The following PLA2G6 variants were observed in gnomAD, a reference collection of about 807,000 sequenced individuals.
The protein encoded by PLA2G6 is phospholipase A2 group VI.
PLA2G6 carries 62 observed loss-of-function variants against 83.8 expected under a neutral mutation model. That is an observed-to-expected ratio of 0.74 (90% CI 0.60 to 0.91). The LOEUF (loss-of-function observed/expected upper bound fraction) is 0.91. Among genes scored for constraint, PLA2G6 ranks in the 40% least tolerant of loss-of-function variants. PLA2G6 has a pLI of 0.00. For synonymous variants in PLA2G6, 417 were observed against 449.8 expected (o/e 0.93, Z 0.92); for missense variants, 944 against 1,102.0 (o/e 0.86, Z 2.03).
At chr22:38,118,386 A>C (rs891086342) in intron 12 of PLA2G6, among the ~76,000 whole-genome samples, 16 of 152,232 alleles carry the variant, frequency 1.1e-4, no homozygotes, top group Non-Finnish European at 1.3e-4. Context: ...TAAGCTAACT[A>C]GGTTCACTTG....
At chr22:38,172,614 C>T (rs1348750886) in intron 1 of PLA2G6, among the ~76,000 whole-genome samples, 1 of 152,214 alleles carries the variant, frequency 6.6e-6, no homozygotes, top group Admixed American at 6.5e-5. Flanking sequence ...GGGGCTGCAG[C>T]CGGGAAGATG....
In PLA2G6 at chr22:38,128,414, C is replaced by A. The variant is rs757483818; in HGVS notation, c.1203G>T (p.Ala401=). The change falls in exon 9 of 17, where the codon GCG becomes GCT. Residue 401 remains alanine, a synonymous_variant. Transcript: ENST00000332509. This position sits in a 1 kb window ranked among gnomAD's most constrained non-coding sequence, Gnocchi z 4.4. ...SKIGRLVTRK[A]ILTLLRTVGA... ...CCACGGTTCTCAGCAGAGTCAAGATCGCCTTCCTGGTGACAACTTGTCATG... is the reference window on the plus strand; with the variant it reads ...CCACGGTTCTCAGCAGAGTCAAGATAGCCTTCCTGGTGACAACTTGTCATG... 6.2e-7 allele frequency: 1 copy of A among 1,614,044 alleles called. No individual in the cohort carries two copies. The highest frequency in any genetic ancestry group is 1.7e-5 in the Admixed American group (1 of 60,018).
intron 3 of PLA2G6, chr22:38,143,583 A>G (rs1018059186): frequency 3.1e-5 from 16 of 520,142 alleles, no homozygotes; most frequent in Non-Finnish European, 4.9e-5. Flanking sequence ...GAACACGGAT[A>G]TCTCACTAGC....
chr22:38,147,473 G>C (rs1355021356), intron 2 of PLA2G6: 2 of 168,180 alleles, frequency 1.2e-5, no homozygotes, highest in Non-Finnish European at 2.9e-5. Flanking sequence ...CTGGGCATGT[G>C]ATCTGTGCCA....
intron 2 of PLA2G6, chr22:38,150,047 C>A (rs867567989): frequency 7.3e-6 from 1 of 136,562 alleles, no homozygotes. Context: ...CCTGACCCCA[C>A]CACCAAAAAA....
chr22:38,120,270 A>C (rs917594829), intron 12 of PLA2G6, among the ~76,000 whole-genome samples: 1 of 152,256 alleles, frequency 6.6e-6, no homozygotes, highest in African/African-American at 2.4e-5. Flanking sequence ...GTAAGACTGA[A>C]GCCCTCTGAT....
chr22:38,121,671 C>G (rs529035476), intron 11 of PLA2G6, among the ~76,000 whole-genome samples: 80 of 152,346 alleles, frequency 5.3e-4, no homozygotes, highest in African/African-American at 1.8e-3. Context: ...ACCGGAGGAT[C>G]AGCCAGGAGA....
intron 1 of PLA2G6, among the ~76,000 whole-genome samples, chr22:38,178,873 A>C (rs2090737587): frequency 6.6e-6 from 1 of 151,134 alleles, no homozygotes; most frequent in South Asian, 2.1e-4. Flanking sequence ...CTCAAAACCA[A>C]AACAACCAAC....
intron 1 of PLA2G6, among the ~76,000 whole-genome samples, chr22:38,171,088 C>T (rs113792937): frequency 2.7e-5 from 4 of 150,718 alleles, no homozygotes; most frequent in African/African-American, 7.3e-5. Flanking sequence ...AGAAGAATCG[C>T]TTGAACCTGG....
intron 2 of PLA2G6, among the ~76,000 whole-genome samples, chr22:38,167,227 C>CAAA (rs132983): frequency 0.11 from 11,715 of 107,098 alleles, 696 homozygotes; most frequent in African/African-American, 0.15. Flanking sequence ...GACTCTGTCT[C>CAAA]AAAAAAAAAA....
chr22:38,129,251 G>A (rs2088058378), intron 8 of PLA2G6, among the ~76,000 whole-genome samples: 1 of 152,238 alleles, frequency 6.6e-6, no homozygotes, highest in Non-Finnish European at 1.5e-5. Flanking sequence ...AGCAAGCCCC[G>A]TGGTGGGCCT....
chr22:38,180,863 ACAAAAACAATGCATT>A (rs11570599), intron 1 of PLA2G6, among the ~76,000 whole-genome samples: 3,329 of 152,252 alleles, frequency 0.022, 112 homozygotes, highest in African/African-American at 0.071. Context: ...AGAAACTCTA[ACAAAAACAATGCATT>A]CAAAAACAAT....
intron 1 of PLA2G6, among the ~76,000 whole-genome samples, chr22:38,171,125 T>C (rs539805104): frequency 1.4e-5 from 2 of 144,500 alleles, no homozygotes; most frequent in African/African-American, 5.1e-5. Flanking sequence ...TGAGCTGAGA[T>C]GGCGCCATTG....
chr22:38,145,447 C>A lies in PLA2G6; in HGVS notation c.416G>T (p.Arg139Leu). ...TTGTTCCCTTGCTCACCTGATGATA[C>A]GGCTGTGATGGAAGCACTCGCGGAT... ...LGIRECFHHS[R>L]IISCANCAEN... is the part of the protein sequence containing the mutation. Residue 139 changes from arginine (R) to leucine (L), a missense_variant, in exon 3 of 17, where the codon CGT (arginine) becomes CTT (leucine). Coordinates refer to ENST00000332509, the MANE Select transcript of PLA2G6 (RefSeq NM_003560.4). 6.2e-7 allele frequency: 1 copy of A among 1,606,160 alleles called. No homozygotes were observed. Among genetic ancestry groups the A allele is most frequent in the Non-Finnish European group, 8.5e-7 (1 of 1,177,096 alleles).
At chr22:38,171,044 T>C (rs905183183) in intron 1 of PLA2G6, among the ~76,000 whole-genome samples, 1 of 151,842 alleles carries the variant, frequency 6.6e-6, no homozygotes, top group Non-Finnish European at 1.5e-5. Flanking sequence ...TGGTGGCGCA[T>C]GCCTGTAATC....
At chr22:38,112,764 G>C in intron 15 of PLA2G6, 187 bp from the exon 16 acceptor site, 1 of 644,840 alleles carries the variant, frequency 1.6e-6, no homozygotes, top group Non-Finnish European at 2.8e-6. Context: ...GACTGTCCCA[G>C]CTGTGCAATC....
intron 12 of PLA2G6, among the ~76,000 whole-genome samples, chr22:38,117,894 G>A (rs893839427): frequency 6.6e-6 from 1 of 151,816 alleles, no homozygotes; most frequent in Admixed American, 6.6e-5. Context: ...AAATTAGCCG[G>A]GCATGGTGGT....
intron 2 of PLA2G6, among the ~76,000 whole-genome samples, chr22:38,164,064 A>G (rs1280677812): frequency 2.6e-5 from 4 of 152,130 alleles, no homozygotes; most frequent in African/African-American, 9.7e-5. Context: ...GGTTGATTTC[A>G]TCAAATGTCA....
chr22:38,148,497 C>T (rs1490180926), intron 2 of PLA2G6: 3 of 716,906 alleles, frequency 4.2e-6, no homozygotes, highest in Middle Eastern at 2.3e-4. Flanking sequence ...ACTCACCAGG[C>T]TGGAAGGAAT....
Sources: allele counts gnomAD v4.1 joint callset (sites outside exome capture counted in the v4.1 genomes callset), GRCh38; gene constraint gnomAD v4.1.1; non-coding constraint Gnocchi (gnomAD v3.1); transcripts MANE v1.5; gene names NCBI Gene and HGNC (gene_info 2026-07-23, HGNC 2026-07-21).